The following ZKSCAN8 variants were observed in gnomAD, a reference collection of about 807,000 sequenced individuals.
ZKSCAN8 encodes the protein zinc finger with KRAB and SCAN domains 8, also known as zinc finger protein with KRAB and SCAN domains 8.
Under a neutral mutation model 57.2 loss-of-function variants are expected in ZKSCAN8, and 27 were observed. The observed-to-expected ratio is 0.47, with a 90% CI of 0.35 to 0.65. The LOEUF is 0.65. Among genes scored for constraint, ZKSCAN8 ranks in the 30% least tolerant of loss-of-function variants. ZKSCAN8 has a pLI of 0.01. For missense variants in ZKSCAN8, 597 were observed against 696.3 expected, an observed-to-expected ratio of 0.86 and a Z score of 1.60; for synonymous variants, 214 against 248.7, an observed-to-expected ratio of 0.86 and a Z score of 1.31.
intron 2 of ZKSCAN8, 157 bp downstream of exon 2, chr6:28,148,981 T>C (rs1478313085): frequency 3.3e-6 from 3 of 905,380 alleles, no homozygotes; most frequent in Non-Finnish European, 4.8e-6. Context: ...AGAGTTCTTT[T>C]TACTTTTGTA....
intron 3 of ZKSCAN8, among the ~76,000 whole-genome samples, chr6:28,151,059 G>C (rs1486804601): frequency 6.6e-6 from 1 of 152,142 alleles, no homozygotes; most frequent in Non-Finnish European, 1.5e-5. Flanking sequence ...GCCCACTTCA[G>C]CCTCCCAAAG....
At chr6:28,149,661 A>G (rs775144878) in intron 3 of ZKSCAN8, 37 bp downstream of exon 3, 4 of 1,610,782 alleles carry the variant, frequency 2.5e-6, no homozygotes, top group African/African-American at 1.3e-5. Context: ...AAGGGGGGGA[A>G]GTACAAATAA....
rs772233034 is a variant in ZKSCAN8 at position 28,153,221 on chromosome 6, G to T, written c.941G>T (p.Gly314Val). Residue 314 changes from glycine (G) to valine (V), a missense_variant, in exon 6 of 6, where the codon GGA (glycine) becomes GTA (valine). By Grantham distance (109) the Gly-to-Val change is moderately radical. Coordinates refer to ENST00000330236, the MANE Select transcript of ZKSCAN8 (RefSeq NM_006298.4). ...CTGGGCAGATTAGAGAGGCAGCGGG[G>T]AAATCCCACACAAGAGAGACGACAT... ...DLLGRLERQR[G>V]NPTQERRHKC... 1 of 1,614,072 alleles carries T rather than the reference G, an allele frequency of 6.2e-7. No individual in the cohort carries two copies. Among genetic ancestry groups the T allele is most frequent in the Non-Finnish European group, 8.5e-7 (1 of 1,180,036 alleles).
Position 28,155,805 on chromosome 6 carries a change from A to C in ZKSCAN8, c.*1788A>C. 1 of 217,070 alleles carries C rather than the reference A, an allele frequency of 4.6e-6. No homozygotes were observed. Among genetic ancestry groups the C allele is most frequent in the Non-Finnish European group, 9.0e-6 (1 of 110,926 alleles). The allele number at this position is 217,070 out of a possible 1,614,324, so 13.4% of individuals were successfully genotyped here. On this transcript the variant is annotated 3_prime_UTR_variant, in exon 6 of 6. Transcript: ENST00000330236. Reference sequence around the variant, plus strand: ...TTCCTTCTCTGCCTCTCTATGGCCCACTTTGACCACTAACAACATCAGAAT... The same window carrying C: ...TTCCTTCTCTGCCTCTCTATGGCCCCCTTTGACCACTAACAACATCAGAAT...
At chr6:28,142,699 C>T (rs1360850583) in intron 1 of ZKSCAN8, among the ~76,000 whole-genome samples, 3 of 152,164 alleles carry the variant, frequency 2.0e-5, no homozygotes, top group African/African-American at 4.8e-5. Context: ...TGACTGCCAC[C>T]ACCACCTTTA....
chr6:28,148,897 A>T, intron 2 of ZKSCAN8, 73 bp downstream of exon 2: 1 of 1,503,784 alleles, frequency 6.6e-7, no homozygotes. Flanking sequence ...TAGGCATCAC[A>T]GTGGGAGAGC....
intron 2 of ZKSCAN8, 126 bp downstream of exon 2, chr6:28,148,950 T>C: frequency 8.8e-7 from 1 of 1,131,444 alleles, no homozygotes; most frequent in Non-Finnish European, 1.2e-6. Context: ...ATGACAATAG[T>C]TTTAGTGTAG....
rs755360556 is a variant in ZKSCAN8, at chr6:28,148,476, A to G, written c.69A>G (p.Val23=). 16 of 1,614,100 alleles carry G rather than the reference A, an allele frequency of 9.9e-6. No individual in the cohort carries two copies. The highest frequency in any genetic ancestry group is 1.4e-5 in the Non-Finnish European group (16 of 1,180,048). ...PPDQTPEEDL[V]IVKVEEDHGW... ...ACCAGACTCCTGAAGAGGATCTTGT[A>G]ATCGTCAAGGTAGAGGAGGATCATG... The change falls in exon 2 of 6, where the codon GTA becomes GTG. Residue 23 remains valine (V), a synonymous_variant. Coordinates refer to ENST00000330236, the MANE Select transcript of ZKSCAN8 (RefSeq NM_006298.4).
intron 5 of ZKSCAN8, 146 bp downstream of exon 5, chr6:28,152,530 A>G (rs1300443189): frequency 8.4e-7 from 1 of 1,188,784 alleles, no homozygotes; most frequent in African/African-American, 1.6e-5. Flanking sequence ...ATTTCTTGAA[A>G]TCTTACGTGA....
Position 28,154,154 on chromosome 6 carries a change from G to T in ZKSCAN8, c.*137G>T. On this transcript the variant is annotated 3_prime_UTR_variant, in exon 6 of 6. Coordinates refer to ENST00000330236, the MANE Select transcript of ZKSCAN8 (RefSeq NM_006298.4). ...GAATCTATAGTGGTGGCAAAGTTAG[G>T]ATAGCTCTTTAGTAATTTGGGCCCA... The T allele has an allele frequency of 7.5e-7, 1 of 1,329,330 alleles. No individual in the cohort carries two copies. The highest frequency in any genetic ancestry group is 1.0e-6 in the Non-Finnish European group (1 of 990,232). 82.3% of individuals were successfully genotyped at this position (1,329,330 alleles called of 1,614,324 possible). A position where few individuals can be genotyped will look rare whatever the true frequency, so the allele number is the denominator to read the frequency against.
At chr6:28,146,512 G>GA (rs1425080747) in intron 1 of ZKSCAN8, among the ~76,000 whole-genome samples, 1 of 152,174 alleles carries the variant, frequency 6.6e-6, no homozygotes. Flanking sequence ...TCACGGAATG[G>GA]AAAACTCACT....
At position 28,155,380 on chromosome 6, in the gene ZKSCAN8, G is replaced by A. The variant is rs1765751290; in HGVS notation, c.*1363G>A. 1 of 152,172 alleles carries A rather than the reference G, an allele frequency of 6.6e-6. No individual in the cohort carries two copies. The highest frequency in any genetic ancestry group is 1.5e-5 in the Non-Finnish European group (1 of 68,026). 9.4% of individuals were successfully genotyped at this position (152,172 alleles called of 1,614,324 possible). ...ACATGCCAGAACTTACGCATCCAAT[G>A]TGGGTTGTCACTTGTTATTCCCAAG... On this transcript the variant is annotated 3_prime_UTR_variant, in exon 6 of 6. Transcript: ENST00000330236.
chr6:28,150,693 A>G, intron 3 of ZKSCAN8, among the ~76,000 whole-genome samples: 1 of 152,082 alleles, frequency 6.6e-6, no homozygotes, highest in Admixed American at 6.5e-5. Context: ...TTCCTTCTAC[A>G]TTTCTTTATT....
chr6:28,152,411 CA>C (rs1386342770), intron 5 of ZKSCAN8, 27 bp downstream of exon 5: 1 of 1,575,504 alleles, frequency 6.3e-7, no homozygotes, highest in Non-Finnish European at 8.6e-7. Flanking sequence ...TTATTATTGT[CA>C]TTTTAGATTT....
rs1199306897 is a variant in ZKSCAN8 at position 28,144,974 on chromosome 6, G to A, written c.-93+2945G>A. Among the ~76,000 whole-genome samples the A allele has an allele frequency of 3.9e-5, 6 of 152,156 alleles. No homozygotes were observed. Among genetic ancestry groups the A allele is most frequent in the South Asian group, 2.1e-4 (1 of 4,830 alleles). On this transcript the variant is annotated intron_variant, in intron 1 of 5. Coordinates refer to ENST00000330236, the MANE Select transcript of ZKSCAN8 (RefSeq NM_006298.4). The surrounding 1 kb of genome is among the most constrained non-coding windows in gnomAD (Gnocchi z 4.5). ...CGGGAGGCCGAGGCAGGAGAATGGC[G>A]TGAACCCGGGAGGCGGAGGTTGCAG...
At position 28,154,596 on chromosome 6, in the gene ZKSCAN8, A is replaced by G. The variant is rs1765725059; in HGVS notation, c.*579A>G. The G allele has an allele frequency of 6.6e-6, 1 of 152,340 alleles. No homozygotes were observed. The highest frequency in any genetic ancestry group is 1.5e-5 in the Non-Finnish European group (1 of 68,116). 9.4% of individuals were successfully genotyped at this position (152,340 alleles called of 1,614,324 possible). A position where few individuals can be genotyped will look rare whatever the true frequency, so the allele number is the denominator to read the frequency against. Reference sequence around the variant, plus strand: ...TTCCTTCTAGTCAGTGGAAATTTGTATTCCCATACAAACTCAGAATGCTAT... The same window carrying G: ...TTCCTTCTAGTCAGTGGAAATTTGTGTTCCCATACAAACTCAGAATGCTAT... On this transcript the variant is annotated 3_prime_UTR_variant, in exon 6 of 6. Coordinates refer to ENST00000330236, the MANE Select transcript of ZKSCAN8 (RefSeq NM_006298.4).
Position 28,154,133 on chromosome 6 carries a change from C to A in ZKSCAN8, c.*116C>A. ...GTCATCACAACTTTAGTGTCAGAAT[C>A]TATAGTGGTGGCAAAGTTAGGATAG... On this transcript the variant is annotated 3_prime_UTR_variant, in exon 6 of 6. Coordinates refer to ENST00000330236, the MANE Select transcript of ZKSCAN8 (RefSeq NM_006298.4). The A allele has an allele frequency of 6.9e-7, 1 of 1,444,474 alleles. No homozygotes were observed. The highest frequency in any genetic ancestry group is 9.2e-7 in the Non-Finnish European group (1 of 1,088,884). The allele number at this position is 1,444,474 out of a possible 1,614,324, so 89.5% of individuals were successfully genotyped here.
chr6:28,143,569 C>G (rs1765290271), intron 1 of ZKSCAN8, among the ~76,000 whole-genome samples: 1 of 152,104 alleles, frequency 6.6e-6, no homozygotes, highest in Non-Finnish European at 1.5e-5. Flanking sequence ...TAGTGAGACC[C>G]TGTCCCTAAA....
Position 28,153,289 on chromosome 6 carries a change from C to G in ZKSCAN8, c.1009C>G (p.Leu337Val). 6.2e-7 allele frequency: 1 copy of G among 1,614,186 alleles called. No individual in the cohort carries two copies. Among genetic ancestry groups the G allele is most frequent in the Non-Finnish European group, 8.5e-7 (1 of 1,180,036 alleles). ...CGKSFAQSSG[L>V]VRHWRIHTGE... ...GAAAAGCTTTGCTCAGAGCTCAGGC[C>G]TTGTTCGCCACTGGAGAATCCACAC... The change falls in exon 6 of 6, where the codon CTT becomes GTT. Residue 337 changes from leucine to valine, a missense_variant. Transcript: ENST00000330236.
Sources: gnomAD v4.1 joint callset for allele counts (sites outside exome capture counted in the v4.1 genomes callset) on GRCh38, gnomAD v4.1.1 for gene constraint, Gnocchi (gnomAD v3.1) non-coding constraint, MANE v1.5 for transcripts, NCBI Gene and HGNC (gene_info 2026-07-23, HGNC 2026-07-21) for gene names.